The following COPG2 variants were observed in gnomAD, a reference collection of about 807,000 sequenced individuals.
COPG2 encodes coatomer subunit gamma-2.
A neutral mutation model predicts 46.3 loss-of-function variants in COPG2; 37 were observed. The observed-to-expected ratio is 0.80, with a 90% CI of 0.61 to 1.05. The LOEUF (loss-of-function observed/expected upper bound fraction) is 1.05, where lower values mean the gene tolerates loss of function less well. COPG2 is among the 50% of genes least tolerant of loss of function. COPG2 has a pLI of 0.00. For synonymous variants in COPG2, 159 were observed against 129.7 expected (o/e 1.23, Z -1.53); for missense variants, 427 against 387.8 (o/e 1.10, Z -0.85).
intron 20 of COPG2, chr7:130,510,213 A>G (rs1554440849): frequency 1.9e-6 from 1 of 520,046 alleles, no homozygotes; most frequent in Non-Finnish European, 3.8e-6. Flanking sequence ...ATTCAACAGA[A>G]TATGCTGAAA....
At chr7:130,585,997 A>G (rs1794260364) in intron 9 of COPG2, among the ~76,000 whole-genome samples, 1 of 152,102 alleles carries the variant, frequency 6.6e-6, no homozygotes, top group Admixed American at 6.6e-5. Flanking sequence ...AAGTCATTAT[A>G]TAAAAAAGAT....
At chr7:130,536,342 C>T (rs902117098) in intron 20 of COPG2, among the ~76,000 whole-genome samples, 5 of 151,942 alleles carry the variant, frequency 3.3e-5, no homozygotes, top group Non-Finnish European at 5.9e-5. Context: ...TCAAGGTGGC[C>T]GTCCACAGCA....
intron 9 of COPG2, chr7:130,610,399 G>A (rs1156486409): frequency 1.9e-5 from 7 of 366,560 alleles, no homozygotes; most frequent in Admixed American, 7.4e-5. Context: ...GGCCACATAA[G>A]AAATCTTTGT....
intron 4 of COPG2, among the ~76,000 whole-genome samples, chr7:130,660,335 A>G (rs1795952656): frequency 6.6e-6 from 1 of 152,132 alleles, no homozygotes; most frequent in Non-Finnish European, 1.5e-5. Context: ...CAGCGCCATT[A>G]TATTCTCTGA....
Position 130,572,831 on chromosome 7 carries a change from A to T in COPG2, c.738-8438T>A, listed in dbSNP as rs183773994. Among the ~76,000 whole-genome samples, 354 of 152,084 alleles carry T rather than the reference A, an allele frequency of 2.3e-3. 1 individual carries two copies. The highest frequency in any genetic ancestry group is 3.2e-3 in the Non-Finnish European group (220 of 67,952). On this transcript the variant is annotated intron_variant, in intron 9 of 23. Coordinates refer to ENST00000425248, the MANE Select transcript of COPG2 (RefSeq NM_012133.6). ...GGAAGAGTAAGCCTGCAGCAAGCAG[A>T]AGAAAGGAAATAATAAATATTAGAG... is the stretch of plus-strand genomic sequence containing the variant.
At chr7:130,667,797 G>A (rs1554461699) in intron 1 of COPG2, among the ~76,000 whole-genome samples, 3 of 152,044 alleles carry the variant, frequency 2.0e-5, no homozygotes. Context: ...TTCCATGAAT[G>A]TTAAAAATGT....
chr7:130,601,201 T>G (rs1554450309), intron 9 of COPG2, among the ~76,000 whole-genome samples: 1 of 152,200 alleles, frequency 6.6e-6, no homozygotes, highest in African/African-American at 2.4e-5. Context: ...AAATAGGAAC[T>G]CTTTTACACT....
At chr7:130,513,323 A>ATGTGTGTGGGTGTGTG (rs1401302098) in intron 20 of COPG2, among the ~76,000 whole-genome samples, 1 of 48,326 alleles carries the variant, frequency 2.1e-5, no homozygotes. Context: ...ATATATATAT[A>ATGTGTGTGGGTGTGTG]TATATATATA....
At chr7:130,569,857 A>G (rs1448910514) in intron 9 of COPG2, among the ~76,000 whole-genome samples, 1 of 152,216 alleles carries the variant, frequency 6.6e-6, no homozygotes, top group Non-Finnish European at 1.5e-5. Context: ...GATATCCACC[A>G]TGACCAAGTG....
At chr7:130,652,627 C>A (rs1795770342) in intron 5 of COPG2, among the ~76,000 whole-genome samples, 1 of 151,880 alleles carries the variant, frequency 6.6e-6, no homozygotes, top group Non-Finnish European at 1.5e-5. Flanking sequence ...TAGTTTTATC[C>A]ATTTTTATGA....
At chr7:130,581,554 A>G (rs1252512831) in intron 9 of COPG2, among the ~76,000 whole-genome samples, 2 of 140,610 alleles carry the variant, frequency 1.4e-5, no homozygotes, top group African/African-American at 2.6e-5. Flanking sequence ...AGGAAGTCAA[A>G]TTGTCCCTGT....
intron 12 of COPG2, among the ~76,000 whole-genome samples, chr7:130,557,662 G>C (rs1219382564): frequency 6.6e-6 from 1 of 151,600 alleles, no homozygotes; most frequent in Non-Finnish European, 1.5e-5. Context: ...TAAAAAATTA[G>C]CTGGGCATGG....
chr7:130,621,271 T>C (rs1318556104), intron 5 of COPG2, among the ~76,000 whole-genome samples: 2 of 152,246 alleles, frequency 1.3e-5, no homozygotes, highest in East Asian at 3.8e-4. Context: ...TTTAGACTTC[T>C]AGCCTCCAGA....
intron 20 of COPG2, among the ~76,000 whole-genome samples, chr7:130,532,667 C>T (rs985197263): frequency 1 from 151,588 of 152,180 alleles, 75,499 homozygotes; most frequent in Middle Eastern, 1. Flanking sequence ...CAGAATGTTT[C>T]CACATGGTGT....
At chr7:130,518,590 A>T (rs1799698550) in intron 20 of COPG2, among the ~76,000 whole-genome samples, 2 of 152,332 alleles carry the variant, frequency 1.3e-5, no homozygotes, top group African/African-American at 4.8e-5. Context: ...GTTAATATAT[A>T]TGACAGTGCA....
At chr7:130,606,540 A>G (rs1794735996) in intron 9 of COPG2, among the ~76,000 whole-genome samples, 1 of 152,190 alleles carries the variant, frequency 6.6e-6, no homozygotes, top group Non-Finnish European at 1.5e-5. Flanking sequence ...AGCTTAGTGA[A>G]TTTGTGCCCT....
In COPG2 at chr7:130,565,924, A is replaced by T. The variant is rs1393937638; in HGVS notation, c.738-1531T>A. On this transcript the variant is annotated intron_variant, in intron 9 of 23. Coordinates refer to ENST00000425248, the MANE Select transcript of COPG2 (RefSeq NM_012133.6). ...ATAAAAAAAGAAGGAAGAAAAATGA[A>T]CAGTGCTTTGGAGACCTGTGTAACA... 3.9e-5 allele frequency among the ~76,000 whole-genome samples: 6 copies of T among 152,290 alleles called. No homozygotes were observed. The South Asian group carries it at 1.2e-3, about 32-fold the overall frequency.
intron 5 of COPG2, among the ~76,000 whole-genome samples, chr7:130,644,784 G>A (rs1297842928): frequency 2.0e-5 from 3 of 152,102 alleles, no homozygotes; most frequent in Admixed American, 6.5e-5. Flanking sequence ...AATGCTGGCC[G>A]GGCGCAGTGG....
chr7:130,659,056 T>G (rs1338003695), intron 4 of COPG2, among the ~76,000 whole-genome samples: 3 of 151,900 alleles, frequency 2.0e-5, no homozygotes, highest in African/African-American at 7.3e-5. Context: ...GGCAAATAAG[T>G]ACATGAAAAT....
Sources: allele counts gnomAD v4.1 joint callset (sites outside exome capture counted in the v4.1 genomes callset), GRCh38; gene constraint gnomAD v4.1.1; transcripts MANE v1.5; gene names NCBI Gene and HGNC (gene_info 2026-07-23, HGNC 2026-07-21).